Variants in CGAS observed in about 807,000 individuals in gnomAD.
CGAS encodes cyclic GMP-AMP synthase.
In CGAS, 31 loss-of-function variants were observed where a neutral mutation model predicts 34.0. That is an observed-to-expected ratio of 0.91 (90% CI 0.69 to 1.23). The LOEUF (loss-of-function observed/expected upper bound fraction) is 1.23. Ranked by LOEUF, CGAS falls within the 50% of genes most tolerant of loss-of-function variation. CGAS has a pLI of 0.00. For synonymous variants in CGAS, 266 were observed against 260.0 expected, an observed-to-expected ratio of 1.02 and a Z score of -0.22; for missense variants, 597 against 657.6, an observed-to-expected ratio of 0.91 and a Z score of 1.01.
chr6:73,427,048 T>G (rs1770102074), intron 4 of CGAS, among the ~76,000 whole-genome samples: 1 of 151,468 alleles, frequency 6.6e-6, no homozygotes, highest in Non-Finnish European at 1.5e-5. Context: ...CGGGGTTTCA[T>G]AACGTTGGCC....
Position 73,425,331 on chromosome 6 carries a change from T to C in CGAS, c.1465A>G (p.Asn489Asp). The change falls in exon 5 of 5, where the codon AAT (asparagine) becomes GAT (aspartate). Residue 489 changes from asparagine to aspartate, a missense_variant. This residue lies in a region of CGAS where 271 missense variants were observed against 324.1 expected (regional missense o/e 0.84). Coordinates refer to ENST00000370315, the MANE Select transcript of CGAS (RefSeq NM_138441.3). ...TCAATTAAGTTGCTAGAGAATAGAT[T>C]GAATTCAGGAATAAAATAATTCTCA... Reference protein sequence around the residue: ...KLENYFIPEFNLFSSNLIDKR... With the variant: ...KLENYFIPEFDLFSSNLIDKR... The C allele has an allele frequency of 6.2e-7, 1 of 1,610,712 alleles. No individual in the cohort carries two copies.
At chr6:73,433,196 T>G (rs1211536949) in intron 3 of CGAS, among the ~76,000 whole-genome samples, 2 of 151,554 alleles carry the variant, frequency 1.3e-5, no homozygotes, top group African/African-American at 4.8e-5. Flanking sequence ...AGCTGGGAAG[T>G]ATTAGAGGAG....
Position 73,425,574 on chromosome 6 carries a change from C to G in CGAS, c.1222G>C (p.Asp408His), listed in dbSNP as rs774687084. The change falls in exon 5 of 5, where the codon GAT (aspartate) becomes CAT (histidine). Residue 408 changes from aspartate to histidine, a missense_variant. Asp to His is a moderately conservative substitution (Grantham distance 81, BLOSUM62 -1). Around this residue, in one of 3 missense-constraint regions of CGAS, gnomAD observed 271 missense variants for 324.1 expected, o/e 0.84. Coordinates refer to ENST00000370315, the MANE Select transcript of CGAS (RefSeq NM_138441.3). ...AGGTATTTCATTAGTTTTAAACAAT[C>G]TTTCCTGTTGAATAAAAAAGGAAAA... ...ENKEEKCCRK[D>H]CLKLMKYLLE... is the part of the protein sequence containing the mutation. 19 of 1,568,026 alleles carry G rather than the reference C, an allele frequency of 1.2e-5. No homozygotes were observed. Among genetic ancestry groups the G allele is most frequent in the Non-Finnish European group, 2.6e-6 (3 of 1,157,952 alleles).
intron 3 of CGAS, among the ~76,000 whole-genome samples, chr6:73,430,867 C>T (rs775425992): frequency 2.0e-5 from 3 of 150,240 alleles, no homozygotes; most frequent in Non-Finnish European, 4.4e-5. Flanking sequence ...CGTGGGAGGC[C>T]GAGGTGAGCA....
chr6:73,451,500 G>C (rs534447511), intron 1 of CGAS, 25 bp downstream of exon 1: 50 of 1,516,944 alleles, frequency 3.3e-5, no homozygotes, highest in South Asian at 5.0e-5. Context: ...AGCGGGGCTC[G>C]GCGGGAGGGC....
chr6:73,446,894 A>G (rs1470349246), intron 1 of CGAS, among the ~76,000 whole-genome samples: 1 of 152,002 alleles, frequency 6.6e-6, no homozygotes, highest in African/African-American at 2.4e-5. Context: ...CGTCTCTATT[A>G]AAAATATGAA....
rs34985291 is a variant in CGAS at position 73,452,017 on chromosome 6, C to A, written c.165G>T (p.Arg55Ser). The A allele has an allele frequency of 2.7e-6, 4 of 1,483,380 alleles. No individual in the cohort carries two copies. Among genetic ancestry groups the A allele is most frequent in the Non-Finnish European group, 3.6e-6 (4 of 1,114,736 alleles). 91.9% of individuals were successfully genotyped at this position (1,483,380 alleles called of 1,614,324 possible). Residue 55 changes from arginine to serine, a missense_variant, in exon 1 of 5, where the codon AGG becomes AGT. By Grantham distance (110) the Arg-to-Ser change is moderately radical. This residue lies in a region of CGAS where 321 missense variants were observed against 314.3 expected (regional missense o/e 1.02). Transcript: ENST00000370315. Reference sequence around the variant, plus strand: ...TCTTTTTCTGCCGGGATCCCGACTTCCTGGCGGGGCCGAACTTTCCCGCCT... The same window carrying A: ...TCTTTTTCTGCCGGGATCCCGACTTACTGGCGGGGCCGAACTTTCCCGCCT... ...LPKAGKFGPARKSGSRQKKSA... is the reference protein window; with the variant it reads ...LPKAGKFGPASKSGSRQKKSA...
chr6:73,441,239 C>G (rs1460862712), intron 2 of CGAS, among the ~76,000 whole-genome samples: 1 of 151,852 alleles, frequency 6.6e-6, no homozygotes, highest in African/African-American at 2.4e-5. Context: ...CAGGCATGTG[C>G]CACTGTGCCT....
At chr6:73,438,321 A>C (rs1431664420) in intron 3 of CGAS, among the ~76,000 whole-genome samples, 3 of 152,148 alleles carry the variant, frequency 2.0e-5, no homozygotes, top group African/African-American at 7.2e-5. Context: ...CAGAACAGCC[A>C]AGGGTAACAG....
chr6:73,424,212 A>G lies in CGAS; in HGVS notation c.*1015T>C, dbSNP rs1055748171. 1 of 152,190 alleles carries G rather than the reference A, an allele frequency of 6.6e-6. No homozygotes were observed. Among genetic ancestry groups the G allele is most frequent in the Non-Finnish European group, 1.5e-5 (1 of 68,048 alleles). 9.4% of individuals were successfully genotyped at this position (152,190 alleles called of 1,614,324 possible). On this transcript the variant is annotated 3_prime_UTR_variant, in exon 5 of 5. Coordinates refer to ENST00000370315, the MANE Select transcript of CGAS (RefSeq NM_138441.3). ...CACTTTGGGAGGCCAAGGCGGGCGG[A>G]TCACAAGGTAAGGAGATCGAGACCA... is the stretch of plus-strand genomic sequence containing the variant.
At chr6:73,450,402 C>A (rs1426046796) in intron 1 of CGAS, among the ~76,000 whole-genome samples, 2 of 142,742 alleles carry the variant, frequency 1.4e-5, no homozygotes, top group Non-Finnish European at 3.0e-5. Context: ...GTAACAAGAG[C>A]GAAACTCCGT....
rs553966539 is a variant in CGAS at position 73,447,429 on chromosome 6, G to A, written c.658-1682C>T. ...CTCCCAAGTAGCTGGGAATACAGGC[G>A]CGCACCAACACGCCCAGCTAATTTT... On this transcript the variant is annotated intron_variant, in intron 1 of 4. Coordinates refer to ENST00000370315, the MANE Select transcript of CGAS (RefSeq NM_138441.3). Among the ~76,000 whole-genome samples, 131 of 151,916 alleles carry A rather than the reference G, an allele frequency of 8.6e-4. 1 individual carries two copies. The South Asian group carries it at 0.026, about 30-fold the overall frequency.
intron 3 of CGAS, among the ~76,000 whole-genome samples, chr6:73,430,627 C>G (rs900098631): frequency 6.7e-6 from 1 of 148,412 alleles, no homozygotes; most frequent in Non-Finnish European, 1.5e-5. Flanking sequence ...GACAACAGAG[C>G]GAGGCTCCAT....
intron 1 of CGAS, among the ~76,000 whole-genome samples, chr6:73,449,126 G>C (rs1472644884): frequency 6.6e-6 from 1 of 151,824 alleles, no homozygotes; most frequent in African/African-American, 2.4e-5. Context: ...AAAAGAAAAA[G>C]TTTTAGATAA....
chr6:73,426,655 A>G (rs1367110685), intron 4 of CGAS, among the ~76,000 whole-genome samples: 1 of 151,480 alleles, frequency 6.6e-6, no homozygotes, highest in African/African-American at 2.4e-5. Flanking sequence ...TTTGTTATAA[A>G]ATTATTTTAC....
At chr6:73,443,258 G>C (rs1344837209) in intron 2 of CGAS, among the ~76,000 whole-genome samples, 9 of 38,662 alleles carry the variant, frequency 2.3e-4, no homozygotes, top group Non-Finnish European at 4.7e-4. Flanking sequence ...TTTTTTTTCT[G>C]AGACAGGGTC....
intron 2 of CGAS, among the ~76,000 whole-genome samples, chr6:73,443,356 A>C (rs1023358967): frequency 1.4e-5 from 2 of 148,134 alleles, no homozygotes; most frequent in African/African-American, 5.0e-5. Flanking sequence ...TCTCTGCCTC[A>C]GCCTCCCAAG....
chr6:73,433,124 T>C (rs887974292), intron 3 of CGAS, among the ~76,000 whole-genome samples: 24 of 151,936 alleles, frequency 1.6e-4, no homozygotes, highest in African/African-American at 5.8e-4. Context: ...ATAGATCAAT[T>C]ACCTATGAAT....
chr6:73,450,002 GAAGA>G (rs916596369), intron 1 of CGAS, among the ~76,000 whole-genome samples: 49 of 143,514 alleles, frequency 3.4e-4, no homozygotes, highest in African/African-American at 1.0e-3. Context: ...ATCAAAAAAA[GAAGA>G]AAGAAGAAAG....
Sources: gnomAD v4.1 joint callset for allele counts (sites outside exome capture counted in the v4.1 genomes callset) on GRCh38, gnomAD v4.1.1 for gene constraint, gnomAD v4.1.1 regional missense constraint, MANE v1.5 for transcripts, NCBI Gene and HGNC (gene_info 2026-07-23, HGNC 2026-07-21) for gene names.